The following PDZRN4 variants were observed in gnomAD, a reference collection of about 807,000 sequenced individuals.
PDZRN4 encodes the protein PDZ domain containing ring finger 4, also known as PDZ domain-containing RING finger protein 4.
PDZRN4 carries 70 observed loss-of-function variants against 99.0 expected under a neutral mutation model. The ratio of observed to expected loss-of-function variants is 0.71; its 90% CI spans 0.58 to 0.86. The LOEUF (loss-of-function observed/expected upper bound fraction) is 0.86, where lower values mean the gene tolerates loss of function less well. PDZRN4 is among the 40% of genes least tolerant of loss of function. PDZRN4 has a pLI of 0.00. For missense variants in PDZRN4, 1,474 were observed against 1,331.2 expected (o/e 1.11, Z -1.67); for synonymous variants, 551 against 501.6 (o/e 1.10, Z -1.32).
At chr12:41,555,608 CTTT>C (rs148373647) in intron 6 of PDZRN4, 87 bp from the exon 7 acceptor site, 1 of 1,002,076 alleles carries the variant, frequency 1.0e-6, no homozygotes, top group Non-Finnish European at 1.6e-6. Flanking sequence ...TTTGAAACAG[CTTT>C]TTCAAAATAT....
chr12:41,479,625 A>C (rs922492346), intron 3 of PDZRN4, among the ~76,000 whole-genome samples: 16 of 152,196 alleles, frequency 1.1e-4, no homozygotes, highest in Admixed American at 8.5e-4. Context: ...CTGTGCACAG[A>C]GAAAAGAGCT....
chr12:41,189,640 T>C (rs1950723117), intron 1 of PDZRN4, among the ~76,000 whole-genome samples: 1 of 152,154 alleles, frequency 6.6e-6, no homozygotes, highest in East Asian at 1.9e-4. Context: ...TCTATTAAGT[T>C]GGGGACTGTG....
At chr12:41,302,876 T>G (rs2120933756) in intron 3 of PDZRN4, among the ~76,000 whole-genome samples, 1 of 151,820 alleles carries the variant, frequency 6.6e-6, no homozygotes, top group Admixed American at 6.6e-5. Flanking sequence ...CATTATAAAT[T>G]TTTCTGTCCA....
intron 3 of PDZRN4, among the ~76,000 whole-genome samples, chr12:41,464,810 G>T (rs1265069903): frequency 4.1e-5 from 6 of 147,156 alleles, no homozygotes; most frequent in African/African-American, 1.5e-4. Flanking sequence ...ATGTTATAGT[G>T]CCTGTTGTAC....
chr12:41,442,905 T>A (rs1165171767), intron 3 of PDZRN4, among the ~76,000 whole-genome samples: 1 of 152,150 alleles, frequency 6.6e-6, no homozygotes, highest in Non-Finnish European at 1.5e-5. Flanking sequence ...ATGGCTTTAT[T>A]TCCCCAGTTC....
chr12:41,259,714 C>T (rs1196190219), intron 3 of PDZRN4, among the ~76,000 whole-genome samples: 1 of 152,020 alleles, frequency 6.6e-6, no homozygotes, highest in Admixed American at 6.6e-5. Context: ...GTATATTGGC[C>T]GGACTGATTA....
chr12:41,297,219 A>G (rs1951501708), intron 3 of PDZRN4, among the ~76,000 whole-genome samples: 1 of 152,172 alleles, frequency 6.6e-6, no homozygotes, highest in South Asian at 2.1e-4. Context: ...TAACAAACCA[A>G]AATATATCAT....
At chr12:41,386,005 T>C (rs1247667531) in intron 3 of PDZRN4, among the ~76,000 whole-genome samples, 1 of 152,190 alleles carries the variant, frequency 6.6e-6, no homozygotes, top group Non-Finnish European at 1.5e-5. Flanking sequence ...GCAAGGTTTA[T>C]TCAACATACA....
chr12:41,293,844 ATACAG>A (rs1407225146), intron 3 of PDZRN4, among the ~76,000 whole-genome samples: 2 of 152,218 alleles, frequency 1.3e-5, no homozygotes, highest in Non-Finnish European at 2.9e-5. Context: ...ATGGAGAATG[ATACAG>A]TACTGCAAAA....
At chr12:41,560,214 T>C (rs1417923618) in intron 7 of PDZRN4, among the ~76,000 whole-genome samples, 1 of 152,216 alleles carries the variant, frequency 6.6e-6, no homozygotes, top group African/African-American at 2.4e-5. Context: ...CTTTTCTTAT[T>C]GCCTAAGATT....
intron 6 of PDZRN4, 32 bp from the exon 7 acceptor site, chr12:41,555,666 C>A: frequency 6.5e-7 from 1 of 1,537,038 alleles, no homozygotes; most frequent in Non-Finnish European, 9.0e-7. Flanking sequence ...TGTTTCATAC[C>A]CAGTTGAAGA....
At chr12:41,498,836 A>G (rs1003981173) in intron 3 of PDZRN4, among the ~76,000 whole-genome samples, 1 of 152,156 alleles carries the variant, frequency 6.6e-6, no homozygotes, top group African/African-American at 2.4e-5. Context: ...GCTAAATCTG[A>G]CAAACTCATA....
chr12:41,262,214 T>G (rs1230404199), intron 3 of PDZRN4, among the ~76,000 whole-genome samples: 1 of 152,210 alleles, frequency 6.6e-6, no homozygotes, highest in Non-Finnish European at 1.5e-5. Flanking sequence ...GATGATACAG[T>G]GCTGTAACAT....
chr12:41,364,828 A>G (rs919546196), intron 3 of PDZRN4, among the ~76,000 whole-genome samples: 12 of 152,112 alleles, frequency 7.9e-5, no homozygotes, highest in Non-Finnish European at 1.8e-4. Context: ...ATTGTAATAA[A>G]GATTGGTTAT....
intron 5 of PDZRN4, among the ~76,000 whole-genome samples, chr12:41,512,716 T>A (rs1339990127): frequency 6.6e-6 from 1 of 151,976 alleles, no homozygotes; most frequent in Non-Finnish European, 1.5e-5. Flanking sequence ...GGAAGCAAAG[T>A]CAGCTGAGAG....
chr12:41,308,290 C>T (rs1223593294), intron 3 of PDZRN4, among the ~76,000 whole-genome samples: 1 of 152,068 alleles, frequency 6.6e-6, no homozygotes, highest in Non-Finnish European at 1.5e-5. Context: ...AGGTACAAGA[C>T]CCAGCAGTGG....
intron 3 of PDZRN4, among the ~76,000 whole-genome samples, chr12:41,207,719 CAT>C (rs1347446576): frequency 1.3e-5 from 2 of 151,736 alleles, no homozygotes; most frequent in Non-Finnish European, 2.9e-5. Context: ...GTAACAAACA[CAT>C]TGGTGCAATT....
chr12:41,254,747 A>G (rs1363908776), intron 3 of PDZRN4, among the ~76,000 whole-genome samples: 1 of 152,226 alleles, frequency 6.6e-6, no homozygotes, highest in East Asian at 1.9e-4. Context: ...TTGCCTAGGC[A>G]GCCATGCCCT....
intron 3 of PDZRN4, among the ~76,000 whole-genome samples, chr12:41,435,926 T>C (rs1952625037): frequency 1.3e-5 from 2 of 152,238 alleles, no homozygotes; most frequent in South Asian, 4.1e-4. Flanking sequence ...AGCATGAGAA[T>C]ACTTCATGGG....
Sources: allele counts gnomAD v4.1 joint callset (sites outside exome capture counted in the v4.1 genomes callset), GRCh38; gene constraint gnomAD v4.1.1; transcripts MANE v1.5; gene names NCBI Gene and HGNC (gene_info 2026-07-23, HGNC 2026-07-21).